PRMT2: variants seen among roughly 807,000 people sequenced by gnomAD.
PRMT2 encodes the protein protein arginine methyltransferase 2.
Under a neutral mutation model 57.6 loss-of-function variants are expected in PRMT2, and 26 were observed. That is an observed-to-expected ratio of 0.45 (90% CI 0.33 to 0.63). PRMT2 has a LOEUF of 0.63. Among genes scored for constraint, PRMT2 ranks in the 20% least tolerant of loss-of-function variants. PRMT2 has a pLI of 0.02. For missense variants in PRMT2, 472 were observed against 564.4 expected, an observed-to-expected ratio of 0.84 and a Z score of 1.66; for synonymous variants, 219 against 220.0, an observed-to-expected ratio of 1.00 and a Z score of 0.04.
At chr21:46,656,552 T>A (rs2061544553) in intron 7 of PRMT2, among the ~76,000 whole-genome samples, 1 of 152,176 alleles carries the variant, frequency 6.6e-6, no homozygotes, top group South Asian at 2.1e-4. Flanking sequence ...GGGTTTTTTT[T>A]AACAAAGGTA....
At chr21:46,655,521 C>T (rs1371139103) in intron 7 of PRMT2, among the ~76,000 whole-genome samples, 1 of 152,076 alleles carries the variant, frequency 6.6e-6, no homozygotes, top group Non-Finnish European at 1.5e-5. Flanking sequence ...ATAAAATTCT[C>T]AGCAAACTAG....
chr21:46,664,681 C>T lies in PRMT2; in HGVS notation c.*354C>T, dbSNP rs1057023264. On this transcript the variant is annotated 3_prime_UTR_variant, in exon 12 of 12. Coordinates refer to ENST00000355680, the MANE Select transcript of PRMT2 (RefSeq NM_206962.4). The stretch of plus-strand genomic sequence containing the variant: ...CTCCTAGGACGCACGCATATCAGCC[C>T]GTGTACCCTGTGACAGTGACTGTCC... 6 of 318,244 alleles carry T rather than the reference C, an allele frequency of 1.9e-5. No individual in the cohort carries two copies. Among genetic ancestry groups the T allele is most frequent in the Admixed American group, 4.3e-5 (1 of 23,520 alleles). 19.7% of individuals were successfully genotyped at this position (318,244 alleles called of 1,614,324 possible).
chr21:46,637,773 ATG>A lies in PRMT2; in HGVS notation c.39+799_39+800del, dbSNP rs753187692. ...TATATATGTGTGTGTATATACATAT[ATG>A]TGTGTGTGTGTGTGTATATATATAT... On this transcript the variant is annotated intron_variant, in intron 3 of 11. Coordinates refer to ENST00000355680, the MANE Select transcript of PRMT2 (RefSeq NM_206962.4). Among the ~76,000 whole-genome samples the A allele has an allele frequency of 3.5e-3, 529 of 151,090 alleles. 5 individuals are homozygous for A. Among genetic ancestry groups the A allele is most frequent in the African/African-American group, 0.011 (453 of 41,184 alleles).
At position 46,664,399 on chromosome 21, in the gene PRMT2, C is replaced by G. The variant is rs758384449; in HGVS notation, c.*72C>G. On this transcript the variant is annotated 3_prime_UTR_variant, in exon 12 of 12. Coordinates refer to ENST00000355680, the MANE Select transcript of PRMT2 (RefSeq NM_206962.4). ...ATGAACACAAGCAAACCAAGTTGCA[C>G]CTGGCTTCTGCACACTCCTGCGAAA... 2.2e-5 allele frequency: 35 copies of G among 1,593,382 alleles called. No homozygotes were observed. The highest frequency in any genetic ancestry group is 2.8e-5 in the Non-Finnish European group (33 of 1,162,030).
Position 46,648,463 on chromosome 21 carries a change from C to G in PRMT2, c.333C>G (p.Leu111=), listed in dbSNP as rs755796203. 2.5e-6 allele frequency: 4 copies of G among 1,614,028 alleles called. No homozygotes were observed. The South Asian group carries it at 4.4e-5, about 18-fold the overall frequency. The change falls in exon 6 of 12, where the codon CTC becomes CTG. Residue 111 remains leucine (L), a synonymous_variant. Transcript: ENST00000355680. This position sits in a 1 kb window ranked among gnomAD's most constrained non-coding sequence, Gnocchi z 4.8. ...EYFGSYGTLK[L]HLEMLADQPR... is the part of the protein sequence containing the mutation. ...TGAATGTGCATTTCTTCCAGAAACTCCACTTGGAGATGTTGGCAGACCAGC... is the reference window on the plus strand; with the variant it reads ...TGAATGTGCATTTCTTCCAGAAACTGCACTTGGAGATGTTGGCAGACCAGC...
rs558968592 is a variant in PRMT2 at position 46,649,304 on chromosome 21, C to T, written c.490-271C>T. Among the ~76,000 whole-genome samples, 37 of 152,322 alleles carry T rather than the reference C, an allele frequency of 2.4e-4. No homozygotes were observed. Among genetic ancestry groups the T allele is most frequent in the Admixed American group, 3.3e-4 (5 of 15,306 alleles). On this transcript the variant is annotated intron_variant, in intron 6 of 11. Transcript: ENST00000355680. The surrounding 1 kb of genome is among the most constrained non-coding windows in gnomAD (Gnocchi z 4.8). ...TTAAGATTGCTGTGCGTGTGGCAGCCGGCTCGGGCATGCGAGTCTTCCATC... is the reference window on the plus strand; with the variant it reads ...TTAAGATTGCTGTGCGTGTGGCAGCTGGCTCGGGCATGCGAGTCTTCCATC...
In PRMT2 at chr21:46,649,483, C is replaced by A; in HGVS notation, c.490-92C>A. On this transcript the variant is annotated intron_variant, in intron 6 of 11. Transcript: ENST00000355680. The surrounding 1 kb of genome is among the most constrained non-coding windows in gnomAD (Gnocchi z 4.8). ...TGCTGCTTCCCTCTTGTGTCATTGA[C>A]CATTTCTCGTGATGCTGGTTGTGAC... The A allele has an allele frequency of 1.3e-6, 2 of 1,586,220 alleles. No homozygotes were observed. Among genetic ancestry groups the A allele is most frequent in the Non-Finnish European group, 8.6e-7 (1 of 1,157,390 alleles).
intron 3 of PRMT2, among the ~76,000 whole-genome samples, chr21:46,639,691 T>A (rs539791029): frequency 1.4e-5 from 2 of 145,216 alleles, no homozygotes; most frequent in South Asian, 2.1e-4. Flanking sequence ...TTACATAAAG[T>A]GTGTGTGTGT....
chr21:46,645,099 A>T, intron 5 of PRMT2, among the ~76,000 whole-genome samples: 1 of 119,430 alleles, frequency 8.4e-6, no homozygotes, highest in Middle Eastern at 4.2e-3. Flanking sequence ...TACAAAAAAA[A>T]AATTAAAAAA....
chr21:46,661,512 G>C (rs1287715284), intron 9 of PRMT2: 3 of 255,844 alleles, frequency 1.2e-5, no homozygotes, highest in African/African-American at 4.5e-5. Flanking sequence ...GAAAGGCCCA[G>C]CCTGGAGCTC....
intron 4 of PRMT2, 62 bp downstream of exon 4, chr21:46,643,701 A>G (rs2061320110): frequency 1.3e-6 from 2 of 1,523,294 alleles, no homozygotes; most frequent in Middle Eastern, 2.1e-4. Flanking sequence ...AAAAGGAGAT[A>G]AATTTTGCAG....
In PRMT2 at chr21:46,663,594, G is replaced by A. The variant is rs1400664625; in HGVS notation, c.1269+40G>A. Reference sequence around the variant, plus strand: ...TGTAAGATTCTGTCCTGTGGGTGCCGGTCCTCAGGGAGACAGGCCTGGGTG... The same window carrying A: ...TGTAAGATTCTGTCCTGTGGGTGCCAGTCCTCAGGGAGACAGGCCTGGGTG... On this transcript the variant is annotated intron_variant, in intron 11 of 11. Coordinates refer to ENST00000355680, the MANE Select transcript of PRMT2 (RefSeq NM_206962.4). 3.1e-6 allele frequency: 5 copies of A among 1,589,762 alleles called. No homozygotes were observed. In the South Asian group the frequency reaches 3.4e-5, roughly 11 times the overall value.
At chr21:46,638,019 A>T (rs1018035406) in intron 3 of PRMT2, among the ~76,000 whole-genome samples, 3 of 152,104 alleles carry the variant, frequency 2.0e-5, no homozygotes, top group Non-Finnish European at 4.4e-5. Flanking sequence ...TCTCAGTCCT[A>T]TTCCTCCTCT....
chr21:46,648,393 C>T lies in PRMT2; in HGVS notation c.328-65C>T. ...ATCAGCTGTGGCTCTGACCCTCCAT[C>T]TCAGTCCAGACCTCAGCATGGCTCT... is the stretch of plus-strand genomic sequence containing the variant. On this transcript the variant is annotated intron_variant, in intron 5 of 11. Coordinates refer to ENST00000355680, the MANE Select transcript of PRMT2 (RefSeq NM_206962.4). The surrounding 1 kb of genome is among the most constrained non-coding windows in gnomAD (Gnocchi z 4.8). 6.4e-7 allele frequency: 1 copy of T among 1,568,398 alleles called. No homozygotes were observed. The highest frequency in any genetic ancestry group is 8.7e-7 in the Non-Finnish European group (1 of 1,148,532).
chr21:46,656,440 A>C (rs1212439282), intron 7 of PRMT2, among the ~76,000 whole-genome samples: 1 of 152,248 alleles, frequency 6.6e-6, no homozygotes, highest in East Asian at 1.9e-4. Flanking sequence ...GAGGAACTAT[A>C]CTACTTGATT....
chr21:46,637,695 T>C (rs1476602967), intron 3 of PRMT2, among the ~76,000 whole-genome samples: 2 of 152,122 alleles, frequency 1.3e-5, no homozygotes, highest in Non-Finnish European at 2.9e-5. Flanking sequence ...ATTAGGACAT[T>C]TCCAGAATGA....
At chr21:46,663,756 G>C (rs1314422517) in intron 11 of PRMT2, among the ~76,000 whole-genome samples, 1 of 150,682 alleles carries the variant, frequency 6.6e-6, no homozygotes, top group African/African-American at 2.4e-5. Context: ...GAGGGCTCTG[G>C]AAGGGAAGTC....
rs1169604916 is a variant in PRMT2, at chr21:46,660,863, G to C, written c.861G>C (p.Lys287Asn). 6.2e-7 allele frequency: 1 copy of C among 1,613,428 alleles called. No homozygotes were observed. Among genetic ancestry groups the C allele is most frequent in the Non-Finnish European group, 8.5e-7 (1 of 1,179,686 alleles). Reference protein sequence around the residue: ...KSLAVKEFFSKPKYNHILKPE... With the variant: ...KSLAVKEFFSNPKYNHILKPE... ...TAGCAGTTAAGGAGTTTTTTTCAAA[G>C]CCCAAGTATAACCACATTTTGAAAC... The change falls in exon 9 of 12, where the codon AAG (lysine) becomes AAC (asparagine). Residue 287 changes from lysine to asparagine, a missense_variant. Physicochemically the swap from Lys to Asn is moderately conservative, Grantham distance 94 (BLOSUM62 0). Transcript: ENST00000355680.
At chr21:46,652,359 GT>G in intron 7 of PRMT2, 3 of 1,107,404 alleles carry the variant, frequency 2.7e-6, no homozygotes, top group Non-Finnish European at 3.3e-6. Flanking sequence ...CTATTAAATG[GT>G]AAATGCAACT....
Sources: gnomAD v4.1 joint callset for allele counts (sites outside exome capture counted in the v4.1 genomes callset) on GRCh38, gnomAD v4.1.1 for gene constraint, Gnocchi (gnomAD v3.1) non-coding constraint, MANE v1.5 for transcripts, NCBI Gene and HGNC (gene_info 2026-07-23, HGNC 2026-07-21) for gene names.